CCDC146: variants seen among roughly 807,000 people sequenced by gnomAD.
CCDC146 encodes the protein coiled-coil domain-containing protein 146.
A neutral mutation model predicts 119.3 loss-of-function variants in CCDC146; 92 were observed. The ratio of observed to expected loss-of-function variants is 0.77; its 90% CI spans 0.65 to 0.92. CCDC146 has a LOEUF of 0.92. Ranked by LOEUF, CCDC146 falls within the 40% of genes least tolerant of loss-of-function variation. CCDC146 has a pLI of 0.00. For missense variants in CCDC146, 1,000 were observed against 1,103.0 expected (o/e 0.91, Z 1.32); for synonymous variants, 372 against 371.8 (o/e 1.00, Z -0.01).
chr7:77,166,928 G>T (rs572420666), intron 1 of CCDC146, among the ~76,000 whole-genome samples: 63 of 152,230 alleles, frequency 4.1e-4, no homozygotes, highest in African/African-American at 1.5e-3. Flanking sequence ...GTGGGAATTT[G>T]GTTTTGAACA....
In CCDC146 at chr7:77,219,330, T is replaced by A. The variant is rs114885318; in HGVS notation, c.157-17617T>A. 4.9e-3 allele frequency among the ~76,000 whole-genome samples: 750 copies of A among 151,780 alleles called. 6 individuals carry two copies. Among genetic ancestry groups the A allele is most frequent in the African/African-American group, 0.017 (697 of 41,554 alleles). On this transcript the variant is annotated intron_variant, in intron 2 of 18. Coordinates refer to ENST00000285871, the MANE Select transcript of CCDC146 (RefSeq NM_020879.3). ...TTGGTATCAAATGAAAAATTTAAAA[T>A]TATACTTTGTTATGTATGGTTCTAT... is the stretch of plus-strand genomic sequence containing the variant.
chr7:77,271,566 A>C lies in CCDC146; in HGVS notation c.1174-2128A>C, dbSNP rs11971541. Among the ~76,000 whole-genome samples the C allele has an allele frequency of 4.9e-3, 361 of 73,724 alleles. 7 individuals carry two copies. Among genetic ancestry groups the C allele is most frequent in the African/African-American group, 0.015 (323 of 22,128 alleles). The allele number at this position is 73,724 out of a possible 152,430, so 48.4% of individuals were successfully genotyped here. ...TATATATATATATATATATATATATATATGGAGATACAAAGAACCCTGACT... is the reference window on the plus strand; with the variant it reads ...TATATATATATATATATATATATATCTATGGAGATACAAAGAACCCTGACT... On this transcript the variant is annotated intron_variant, in intron 9 of 18. Coordinates refer to ENST00000285871, the MANE Select transcript of CCDC146 (RefSeq NM_020879.3).
intron 9 of CCDC146, among the ~76,000 whole-genome samples, chr7:77,270,275 T>G (rs1317771032): frequency 6.6e-6 from 1 of 151,938 alleles, no homozygotes; most frequent in Non-Finnish European, 1.5e-5. Context: ...CTATTAATAG[T>G]GACTCCTGGG....
chr7:77,267,990 C>T (rs1170992511), intron 9 of CCDC146, among the ~76,000 whole-genome samples: 7 of 152,186 alleles, frequency 4.6e-5, no homozygotes, highest in African/African-American at 9.7e-5. Flanking sequence ...AGGGAGAACA[C>T]ACGCCATGGA....
intron 1 of CCDC146, among the ~76,000 whole-genome samples, chr7:77,134,563 C>CTGTGTGTGTGTGTGTGTGTGTGTGTG (rs1554345524): frequency 7.2e-6 from 1 of 139,308 alleles, no homozygotes; most frequent in Non-Finnish European, 1.6e-5. Context: ...GTGTGTGTGT[C>CTGTGTGTGTGTGTGTGTGTGTGTGTG]TGTGTGTGTG....
At position 77,242,258 on chromosome 7, in the gene CCDC146, C is replaced by T. The variant is rs75641827; in HGVS notation, c.449+358C>T. On this transcript the variant is annotated intron_variant, in intron 4 of 18. Coordinates refer to ENST00000285871, the MANE Select transcript of CCDC146 (RefSeq NM_020879.3). ...CCATGACTATAGCAGTACCAGAGCA[C>T]GCATCTGCATGGTGAGCACTTCTCC... 3.1e-3 allele frequency: 1,322 copies of T among 423,146 alleles called. 13 individuals carry two copies. Among genetic ancestry groups the T allele is most frequent in the African/African-American group, 0.026 (1,225 of 46,976 alleles). 26.2% of individuals were successfully genotyped at this position (423,146 alleles called of 1,614,324 possible).
chr7:77,210,886 G>C (rs1792169051), intron 2 of CCDC146, among the ~76,000 whole-genome samples: 1 of 152,114 alleles, frequency 6.6e-6, no homozygotes, highest in Non-Finnish European at 1.5e-5. Context: ...CAGATCTCAT[G>C]AGAACTCACT....
intron 1 of CCDC146, among the ~76,000 whole-genome samples, chr7:77,147,678 C>T (rs1791042566): frequency 6.6e-6 from 1 of 152,224 alleles, no homozygotes; most frequent in Admixed American, 6.5e-5. Context: ...AGGTCCACTC[C>T]AGACACTGTT....
rs1237553017 is a variant in CCDC146 at position 77,292,591 on chromosome 7, A to T, written c.2416-361A>T. On this transcript the variant is annotated intron_variant, in intron 17 of 18. Transcript: ENST00000285871. Reference sequence around the variant, plus strand: ...GAGATTGCGCTACTGCACTCCAGCCAGGGCGACAGAGCGAGACTCAGTCTC... The same window carrying T: ...GAGATTGCGCTACTGCACTCCAGCCTGGGCGACAGAGCGAGACTCAGTCTC... 4.1e-5 allele frequency among the ~76,000 whole-genome samples: 6 copies of T among 146,926 alleles called. No individual in the cohort carries two copies. In the East Asian group the frequency reaches 7.9e-4, roughly 19 times the overall value.
intron 2 of CCDC146, among the ~76,000 whole-genome samples, chr7:77,201,120 G>A (rs1791978796): frequency 6.6e-6 from 1 of 152,104 alleles, no homozygotes; most frequent in East Asian, 1.9e-4. Flanking sequence ...AGGAGACCTG[G>A]CTTCCAACCC....
At chr7:77,203,687 T>C (rs988060581) in intron 2 of CCDC146, among the ~76,000 whole-genome samples, 1 of 152,186 alleles carries the variant, frequency 6.6e-6, no homozygotes, top group African/African-American at 2.4e-5. Context: ...TCATGCTGAG[T>C]CTACCCTGAC....
chr7:77,284,274 G>A (rs538860074), intron 15 of CCDC146, among the ~76,000 whole-genome samples: 88 of 152,136 alleles, frequency 5.8e-4, no homozygotes, highest in South Asian at 1.7e-3. Flanking sequence ...CTTCTTGGGG[G>A]CACTGGAGAC....
intron 8 of CCDC146, among the ~76,000 whole-genome samples, chr7:77,260,882 C>A (rs567641744): frequency 6.6e-6 from 1 of 152,156 alleles, no homozygotes; most frequent in Admixed American, 6.5e-5. Context: ...CCCGCTTTGG[C>A]CTCCCAAAGT....
At chr7:77,248,570 A>G (rs1792998305) in intron 4 of CCDC146, among the ~76,000 whole-genome samples, 1 of 152,242 alleles carries the variant, frequency 6.6e-6, no homozygotes, top group African/African-American at 2.4e-5. Context: ...TGATCAATAC[A>G]AACTTTAAAA....
chr7:77,205,214 G>GAATACTGAATCAGCA (rs1436624718), intron 2 of CCDC146, among the ~76,000 whole-genome samples: 3 of 152,044 alleles, frequency 2.0e-5, no homozygotes, highest in Non-Finnish European at 4.4e-5. Context: ...AAGTCATTGC[G>GAATACTGAATCAGCA]AATACTGAAT....
At position 77,199,199 on chromosome 7, in the gene CCDC146, G is replaced by C. The variant is rs1460861452; in HGVS notation, c.156+31375G>C. The C allele has an allele frequency of 1.8e-5, 29 of 1,613,564 alleles. No homozygotes were observed. Among genetic ancestry groups the C allele is most frequent in the Non-Finnish European group, 2.4e-5 (28 of 1,179,752 alleles). On this transcript the variant is annotated intron_variant, in intron 2 of 18. Transcript: ENST00000285871. Reference sequence around the variant, plus strand: ...TACATACCTGGACGTGACTGTATTTGTTCTTGGCTGGGACACTTTGAACAT... The same window carrying C: ...TACATACCTGGACGTGACTGTATTTCTTCTTGGCTGGGACACTTTGAACAT...
chr7:77,243,123 G>T (rs1792880405), intron 4 of CCDC146, among the ~76,000 whole-genome samples: 1 of 152,106 alleles, frequency 6.6e-6, no homozygotes, highest in African/African-American at 2.4e-5. Context: ...ATGAATGCTT[G>T]ACATTTCCAT....
At chr7:77,166,250 G>A (rs1284345150) in intron 1 of CCDC146, among the ~76,000 whole-genome samples, 5 of 152,166 alleles carry the variant, frequency 3.3e-5, no homozygotes, top group Non-Finnish European at 7.4e-5. Flanking sequence ...TTTTTATGAA[G>A]AGTTAAATCT....
intron 1 of CCDC146, among the ~76,000 whole-genome samples, chr7:77,143,498 A>G (rs1241008693): frequency 6.6e-6 from 1 of 151,970 alleles, no homozygotes; most frequent in African/African-American, 2.4e-5. Flanking sequence ...GCCCATGCCT[A>G]TGTCCTGAAT....
Sources: gnomAD v4.1 joint callset for allele counts (sites outside exome capture counted in the v4.1 genomes callset) on GRCh38, gnomAD v4.1.1 for gene constraint, MANE v1.5 for transcripts, NCBI Gene and HGNC (gene_info 2026-07-23, HGNC 2026-07-21) for gene names.